Variants in CDH19 observed in about 807,000 individuals in gnomAD.
CDH19 encodes the protein cadherin 19.
A neutral mutation model predicts 64.2 loss-of-function variants in CDH19; 67 were observed. The ratio of observed to expected loss-of-function variants is 1.04; its 90% confidence interval spans 0.86 to 1.28. The LOEUF is 1.28. Among genes scored for constraint, CDH19 ranks in the 50% most tolerant of loss-of-function variants. The pLI is 0.00. For synonymous variants in CDH19, 346 were observed against 319.3 expected (o/e 1.08, Z -0.89); for missense variants, 1,030 against 929.0 (o/e 1.11, Z -1.41).
Position 66,588,635 on chromosome 18 carries a change from TATAG to T in CDH19, c.-113+15315_-113+15318del, listed in dbSNP as rs1568211901. ...ATATCTATATCTATATCTATATATA[TATAG>T]ATACAGCTCAGATTTATTTCAGTGT... On this transcript the variant is annotated intron_variant, in intron 1 of 11. Transcript: ENST00000262150. Among the ~76,000 whole-genome samples, 17 of 143,254 alleles carry T rather than the reference TATAG, an allele frequency of 1.2e-4. 3 individuals carry two copies. Among genetic ancestry groups the T allele is most frequent in the Non-Finnish European group, 1.9e-4 (12 of 63,556 alleles). The allele number at this position is 143,254 out of a possible 152,430, so 94.0% of individuals were successfully genotyped here.
intron 3 of CDH19, among the ~76,000 whole-genome samples, chr18:66,563,031 T>G (rs1307587572): frequency 6.6e-6 from 1 of 152,102 alleles, no homozygotes; most frequent in African/African-American, 2.4e-5. Context: ...CTTTATTAAA[T>G]GATGTTCTTT....
intron 9 of CDH19, among the ~76,000 whole-genome samples, chr18:66,522,369 A>G (rs1254199196): frequency 1.3e-5 from 2 of 151,990 alleles, no homozygotes; most frequent in African/African-American, 2.4e-5. Flanking sequence ...CAGCCTCCCA[A>G]GCTGCTGGGT....
In CDH19 at chr18:66,551,233, C is replaced by T. The variant is rs376655558; in HGVS notation, c.636G>A (p.Met212Ile). 12 of 1,534,822 alleles carry T rather than the reference C, an allele frequency of 7.8e-6. No homozygotes were observed. In the African/African-American group the frequency reaches 1.4e-4, roughly 17 times the overall value. Reference protein sequence around the residue: ...TTGVIRISSKMDRELQDEYWV... With the variant: ...TTGVIRISSKIDRELQDEYWV... ...AATACTCATCTTGCAGTTCTCTATC[C>T]ATTTTAGAAGATATTCTTATGACTC... The change falls in exon 5 of 12, where the codon ATG becomes ATA. Residue 212 changes from methionine (M) to isoleucine (I), a missense_variant. By Grantham distance (10) the Met-to-Ile change is conservative (BLOSUM62 1). Coordinates refer to ENST00000262150, the MANE Select transcript of CDH19 (RefSeq NM_021153.4).
intron 1 of CDH19, among the ~76,000 whole-genome samples, chr18:66,600,292 ACTTT>A (rs1989006476): frequency 6.6e-6 from 1 of 151,846 alleles, no homozygotes; most frequent in South Asian, 2.1e-4. Flanking sequence ...ATAATTCCTT[ACTTT>A]ATTTTTTAAA....
intron 3 of CDH19, among the ~76,000 whole-genome samples, chr18:66,562,961 A>T (rs1470941367): frequency 6.6e-6 from 1 of 152,114 alleles, no homozygotes; most frequent in Non-Finnish European, 1.5e-5. Context: ...TTTTATTATT[A>T]ACCAGGAGTT....
intron 10 of CDH19, among the ~76,000 whole-genome samples, chr18:66,509,754 C>T (rs1985381865): frequency 6.6e-6 from 1 of 151,564 alleles, no homozygotes; most frequent in South Asian, 2.1e-4. Context: ...TTGTACAAAT[C>T]CAGGGAATAT....
At chr18:66,510,284 T>G (rs1250802280) in intron 10 of CDH19, among the ~76,000 whole-genome samples, 2 of 151,666 alleles carry the variant, frequency 1.3e-5, no homozygotes. Flanking sequence ...GCTAGGCAGA[T>G]CTAAGAGTTG....
intron 9 of CDH19, among the ~76,000 whole-genome samples, chr18:66,520,341 G>GTTTTTTTTTTTTTTTTTTTTT (rs368834150): frequency 7.5e-6 from 1 of 132,968 alleles, no homozygotes. Flanking sequence ...GAAAATAGCT[G>GTTTTTTTTTTTTTTTTTTTTT]TTTTTTTTTT....
intron 9 of CDH19, among the ~76,000 whole-genome samples, chr18:66,521,699 C>G (rs930942401): frequency 6.7e-6 from 1 of 149,744 alleles, no homozygotes; most frequent in Non-Finnish European, 1.5e-5. Flanking sequence ...CCATGCCCAG[C>G]TAATTAAAAA....
rs1485107988 is a variant in CDH19, at chr18:66,564,886, A to G, written c.490+3530T>C. 2.0e-5 allele frequency among the ~76,000 whole-genome samples: 3 copies of G among 147,320 alleles called. No individual in the cohort carries two copies. In the East Asian group the frequency reaches 5.9e-4, roughly 29 times the overall value. On this transcript the variant is annotated intron_variant, in intron 3 of 11. Coordinates refer to ENST00000262150, the MANE Select transcript of CDH19 (RefSeq NM_021153.4). ...CCTTCTTTTTTTTTTTTTTGACATT[A>G]TAAGGTTTTAGGTAAAACTAGCAAA...
chr18:66,551,124 C>T lies in CDH19; in HGVS notation c.745G>A (p.Val249Ile), dbSNP rs1987324500. The change falls in exon 5 of 12, where the codon GTT becomes ATT. Residue 249 changes from valine (V) to isoleucine (I), a missense_variant. Transcript: ENST00000262150. ...TTSVLIKLSD[V>I]NDNKPIFKES... ...TTAAATATAGGCTTATTGTCATTAACATCTGAAAGTTTAATTAATACACTT... is the reference window on the plus strand; with the variant it reads ...TTAAATATAGGCTTATTGTCATTAATATCTGAAAGTTTAATTAATACACTT... 6.2e-7 allele frequency: 1 copy of T among 1,603,496 alleles called. No homozygotes were observed.
At chr18:66,515,686 A>T (rs189429762) in intron 9 of CDH19, among the ~76,000 whole-genome samples, 10 of 151,998 alleles carry the variant, frequency 6.6e-5, no homozygotes, top group Admixed American at 3.9e-4. Flanking sequence ...GTTGAAAAAT[A>T]CACATTCCTA....
At chr18:66,562,655 T>A (rs567539241) in intron 3 of CDH19, among the ~76,000 whole-genome samples, 4 of 152,188 alleles carry the variant, frequency 2.6e-5, no homozygotes, top group Admixed American at 2.6e-4. Context: ...AAACGTTAGT[T>A]TGGTCATCTC....
intron 7 of CDH19, among the ~76,000 whole-genome samples, chr18:66,538,517 T>A (rs955297251): frequency 6.6e-6 from 1 of 152,208 alleles, no homozygotes. Context: ...TCATTTTTTT[T>A]AATCCACTCA....
intron 8 of CDH19, among the ~76,000 whole-genome samples, chr18:66,532,096 A>G (rs1050832017): frequency 6.6e-6 from 1 of 151,992 alleles, no homozygotes; most frequent in African/African-American, 2.4e-5. Context: ...CCTCCCTAGT[A>G]GCTGAAACTA....
intron 3 of CDH19, among the ~76,000 whole-genome samples, chr18:66,566,323 T>A (rs986401860): frequency 6.6e-6 from 1 of 151,404 alleles, no homozygotes; most frequent in Non-Finnish European, 1.5e-5. Context: ...AGAAGTTATG[T>A]CCTTTTACTT....
chr18:66,535,806 AAT>A (rs1234366945), intron 7 of CDH19, among the ~76,000 whole-genome samples: 6 of 142,826 alleles, frequency 4.2e-5, no homozygotes, highest in African/African-American at 1.3e-4. Context: ...ATATATATGT[AAT>A]ATATGATACA....
rs754350211 is a variant in CDH19 at position 66,504,851 on chromosome 18, T to C, written c.2280A>G (p.Leu760=). The C allele has an allele frequency of 6.2e-7, 1 of 1,608,980 alleles. No individual in the cohort carries two copies. Among genetic ancestry groups the C allele is most frequent in the Non-Finnish European group, 8.5e-7 (1 of 1,175,976 alleles). Residue 760 remains leucine, a synonymous_variant, in exon 12 of 12, where the codon TTA becomes TTG. Transcript: ENST00000262150. ...LNELGPRFKR[L]ACMFGSAVQS... is the part of the protein sequence containing the mutation. ...GCACTGCAGAACCAAACATGCATGC[T>C]AATCTTTTAAAGCGAGGTCCCAACT... is the stretch of plus-strand genomic sequence containing the variant.
In CDH19 at chr18:66,549,079, A is replaced by G. The variant is rs139630904; in HGVS notation, c.775+2015T>C. On this transcript the variant is annotated intron_variant, in intron 5 of 11. Transcript: ENST00000262150. ...CACAAGGGAAAACCATGTGGACAAG[A>G]GTAAGGAGGCCAGAATCAGATTCAC... is the stretch of plus-strand genomic sequence containing the variant. 1.4e-4 allele frequency among the ~76,000 whole-genome samples: 21 copies of G among 152,248 alleles called. No individual in the cohort carries two copies. In the East Asian group the frequency reaches 3.5e-3, roughly 25 times the overall value.
Sources: gnomAD v4.1 joint callset for allele counts (sites outside exome capture counted in the v4.1 genomes callset) on GRCh38, gnomAD v4.1.1 for gene constraint, MANE v1.5 for transcripts, NCBI Gene and HGNC (gene_info 2026-07-23, HGNC 2026-07-21) for gene names.